Variants in ASH2L observed in about 807,000 individuals in gnomAD.
ASH2L encodes the protein ASH2 like, histone lysine methyltransferase complex subunit.
ASH2L carries 30 observed loss-of-function variants against 81.1 expected under a neutral mutation model. The ratio of observed to expected loss-of-function variants is 0.37; its 90% CI spans 0.28 to 0.50. ASH2L has a LOEUF of 0.50. ASH2L is among the 20% of genes least tolerant of loss of function. The pLI, the probability that ASH2L is intolerant of heterozygous loss-of-function variation, is 0.95. For synonymous variants in ASH2L, 273 were observed against 279.9 expected, an observed-to-expected ratio of 0.98 and a Z score of 0.24; for missense variants, 559 against 792.1, an observed-to-expected ratio of 0.71 and a Z score of 3.53.
At chr8:38,124,032 G>A (rs1801734562) in intron 10 of ASH2L, 1 of 151,852 alleles carries the variant, frequency 6.6e-6, no homozygotes, top group African/African-American at 2.4e-5. Context: ...GTAGAGATGG[G>A]GTTTCGTCAT....
intron 14 of ASH2L, among the ~76,000 whole-genome samples, chr8:38,137,315 G>A (rs1802296594): frequency 6.6e-6 from 1 of 151,422 alleles, no homozygotes; most frequent in South Asian, 2.1e-4. Context: ...GGGAGGCCGA[G>A]GCGGGCCGAT....
At chr8:38,126,127 C>T (rs988591965) in intron 10 of ASH2L, among the ~76,000 whole-genome samples, 8 of 151,382 alleles carry the variant, frequency 5.3e-5, no homozygotes, top group African/African-American at 9.7e-5. Flanking sequence ...CGCTTGAACC[C>T]GGGAGCCAGA....
intron 1 of ASH2L, chr8:38,105,976 C>T: frequency 6.5e-7 from 1 of 1,528,860 alleles, no homozygotes; most frequent in Non-Finnish European, 8.7e-7. Flanking sequence ...GATCCTTGCA[C>T]CCTGGCAGGA....
rs2517396 is a variant in ASH2L at position 38,131,787 on chromosome 8, A to T, written c.1528-1667A>T. ...AAGTTAAAAACTCAAGATGCAAGAC[A>T]AAACTTATAATATGTTACCATTTGT... is the stretch of plus-strand genomic sequence containing the variant. On this transcript the variant is annotated intron_variant, in intron 12 of 15. Coordinates refer to ENST00000343823, the MANE Select transcript of ASH2L (RefSeq NM_004674.5). Among the ~76,000 whole-genome samples the T allele has an allele frequency of 5.3e-5, 8 of 152,048 alleles. No homozygotes were observed. In the South Asian group the frequency reaches 1.0e-3, roughly 20 times the overall value.
chr8:38,117,485 GTCT>G (rs1335016181), intron 8 of ASH2L: 26 of 984,982 alleles, frequency 2.6e-5, no homozygotes, highest in African/African-American at 3.5e-5. Context: ...TTCCTCCACT[GTCT>G]TCTTTCAGCC....
intron 14 of ASH2L, among the ~76,000 whole-genome samples, chr8:38,136,129 TG>T (rs1243649784): frequency 5.7e-5 from 8 of 141,162 alleles, no homozygotes; most frequent in African/African-American, 1.7e-4. Flanking sequence ...TTTTTTTTTT[TG>T]AGACAGTGTC....
intron 7 of ASH2L, among the ~76,000 whole-genome samples, chr8:38,116,329 G>A (rs779873979): frequency 6.6e-6 from 1 of 152,006 alleles, no homozygotes; most frequent in Non-Finnish European, 1.5e-5. Context: ...TCGCGCCACT[G>A]CACTCCAGCC....
At position 38,128,045 on chromosome 8, in the gene ASH2L, C is replaced by CAA. The variant is rs11417823; in HGVS notation, c.1166-236_1166-235dup. ...TGGGCGACAGAGCGGGACTCCATCT[C>CAA]AAAAAAAAAAAGATAATCACATGTA... On this transcript the variant is annotated intron_variant, in intron 10 of 15. Transcript: ENST00000343823. Among the ~76,000 whole-genome samples, 520 of 148,510 alleles carry CAA rather than the reference C, an allele frequency of 3.5e-3. 3 individuals are homozygous for CAA. The highest frequency in any genetic ancestry group is 0.01 in the Middle Eastern group (3 of 288).
chr8:38,117,489 T>G, intron 8 of ASH2L: 1 of 985,274 alleles, frequency 1.0e-6, no homozygotes. Context: ...TCCACTGTCT[T>G]CTTTCAGCCT....
At chr8:38,120,867 A>G in intron 9 of ASH2L, 65 bp from the exon 10 acceptor site, 1 of 1,361,562 alleles carries the variant, frequency 7.3e-7, no homozygotes, top group African/African-American at 1.4e-5. Flanking sequence ...CCTTTCTTAC[A>G]CAGTTGAATG....
At chr8:38,112,803 T>C (rs1810741079) in intron 5 of ASH2L, among the ~76,000 whole-genome samples, 1 of 152,184 alleles carries the variant, frequency 6.6e-6, no homozygotes. Flanking sequence ...CCCCATTGAT[T>C]ATCCAACCCT....
chr8:38,127,929 C>T (rs1448108163), intron 10 of ASH2L, among the ~76,000 whole-genome samples: 2 of 151,290 alleles, frequency 1.3e-5, no homozygotes, highest in South Asian at 4.2e-4. Flanking sequence ...GCCTGTAATC[C>T]CAGCTACTCG....
chr8:38,118,732 G>A (rs1811011302), intron 8 of ASH2L, among the ~76,000 whole-genome samples: 1 of 152,210 alleles, frequency 6.6e-6, no homozygotes, highest in South Asian at 2.1e-4. Flanking sequence ...TTCCATGTTG[G>A]ATGTATTTTG....
chr8:38,135,299 A>G (rs1045331031), intron 13 of ASH2L, among the ~76,000 whole-genome samples: 2 of 152,082 alleles, frequency 1.3e-5, no homozygotes, highest in African/African-American at 4.8e-5. Context: ...AATTTTAAAA[A>G]TTAGCTGGAT....
chr8:38,115,641 A>G (rs1249691023), intron 7 of ASH2L, among the ~76,000 whole-genome samples: 1 of 152,116 alleles, frequency 6.6e-6, no homozygotes, highest in Non-Finnish European at 1.5e-5. Flanking sequence ...TCTCTCAAAA[A>G]AGAAAATGCA....
chr8:38,115,781 C>G (rs1002102044), intron 7 of ASH2L, among the ~76,000 whole-genome samples: 1 of 152,240 alleles, frequency 6.6e-6, no homozygotes, highest in East Asian at 1.9e-4. Flanking sequence ...CCTCTCCTGC[C>G]TCTACCCAAG....
In ASH2L at chr8:38,138,826, A is replaced by T; in HGVS notation, c.1730A>T (p.Asn577Ile). The T allele has an allele frequency of 6.2e-7, 1 of 1,614,058 alleles. No individual in the cohort carries two copies. The highest frequency in any genetic ancestry group is 8.5e-7 in the Non-Finnish European group (1 of 1,179,994). Reference sequence around the variant, plus strand: ...TTGAATTCGCTCCAGGTTTCCATTAACTTTGGACCATGCTTCAAGTATCCT... The same window carrying T: ...TTGAATTCGCTCCAGGTTTCCATTATCTTTGGACCATGCTTCAAGTATCCT... ...SLYKSCTVSI[N>I]FGPCFKYPPK... Residue 577 changes from asparagine to isoleucine, a missense_variant, in exon 15 of 16, where the codon AAC becomes ATC. Coordinates refer to ENST00000343823, the MANE Select transcript of ASH2L (RefSeq NM_004674.5).
chr8:38,106,506 CTTT>C (rs112972804), intron 2 of ASH2L, 62 bp downstream of exon 2: 4,962 of 953,974 alleles, frequency 5.2e-3, no homozygotes, highest in Non-Finnish European at 5.7e-3. Context: ...TCTTCTTCTT[CTTT>C]TTTTTTTTTT....
Position 38,116,666 on chromosome 8 carries a change from G to C in ASH2L, c.794G>C (p.Gly265Ala). Reference sequence around the variant, plus strand: ...TTTTTGCAGGACCTTAGTAACATTGGTCCTGCTTATGACAACCAAAAACAG... The same window carrying C: ...TTTTTGCAGGACCTTAGTAACATTGCTCCTGCTTATGACAACCAAAAACAG... ...GLLDQDLSNI[G>A]PAYDNQKQSS... Residue 265 changes from glycine to alanine, a missense_variant, in exon 8 of 16, where the codon GGT becomes GCT. Transcript: ENST00000343823. The C allele has an allele frequency of 6.2e-7, 1 of 1,612,728 alleles. No homozygotes were observed. The highest frequency in any genetic ancestry group is 8.5e-7 in the Non-Finnish European group (1 of 1,179,704).
Sources: allele counts gnomAD v4.1 joint callset (sites outside exome capture counted in the v4.1 genomes callset), GRCh38; gene constraint gnomAD v4.1.1; transcripts MANE v1.5; gene names NCBI Gene and HGNC (gene_info 2026-07-23, HGNC 2026-07-21).